The following RALGAPA1 variants were observed in gnomAD, a reference collection of about 807,000 sequenced individuals.
The protein encoded by RALGAPA1 is ral GTPase-activating protein subunit alpha-1.
Under a neutral mutation model 269.6 loss-of-function variants are expected in RALGAPA1, and 52 were observed. The ratio of observed to expected loss-of-function variants is 0.19; its 90% CI spans 0.15 to 0.24. RALGAPA1 has a LOEUF of 0.24. RALGAPA1 is among the 10% of genes least tolerant of loss of function. The pLI, the probability that RALGAPA1 is intolerant of heterozygous loss-of-function variation, is 1.00. For missense variants in RALGAPA1, 1,917 were observed against 3,013.9 expected (o/e 0.64, Z 8.52); for synonymous variants, 817 against 1,008.3 (o/e 0.81, Z 3.60).
intron 9 of RALGAPA1, among the ~76,000 whole-genome samples, chr14:35,749,237 A>G (rs887111541): frequency 9.2e-5 from 14 of 152,206 alleles, no homozygotes; most frequent in Non-Finnish European, 1.9e-4. Flanking sequence ...AATTATCTCT[A>G]TTTTACTGTG....
intron 37 of RALGAPA1, among the ~76,000 whole-genome samples, chr14:35,583,887 AAG>A (rs1201592394): frequency 2.6e-5 from 4 of 152,264 alleles, no homozygotes; most frequent in Admixed American, 2.6e-4. Context: ...AAAAAGAAAT[AAG>A]ACTTTCTCAG....
chr14:35,623,728 C>T (rs8022836), intron 35 of RALGAPA1, among the ~76,000 whole-genome samples: 52,403 of 151,942 alleles, frequency 0.34, 12,513 homozygotes, highest in African/African-American at 0.67. Context: ...CTCTATCCTG[C>T]GGCAAGAAAT....
chr14:35,549,653 A>G (rs751383867), intron 39 of RALGAPA1, among the ~76,000 whole-genome samples: 32 of 152,144 alleles, frequency 2.1e-4, no homozygotes, highest in Middle Eastern at 3.2e-3. Flanking sequence ...AAACATTGTA[A>G]TGTTGCTTAA....
chr14:35,654,963 A>G (rs1354225752), intron 29 of RALGAPA1, among the ~76,000 whole-genome samples: 2 of 152,184 alleles, frequency 1.3e-5, no homozygotes, highest in African/African-American at 4.8e-5. Context: ...GTCTTCTCTG[A>G]TAACTAAGTC....
intron 37 of RALGAPA1, 139 bp from the exon 38 acceptor site, chr14:35,572,857 C>G: frequency 2.0e-6 from 1 of 498,738 alleles, no homozygotes; most frequent in Non-Finnish European, 3.4e-6. Context: ...ATATGAAACA[C>G]AAACACTCAA....
intron 35 of RALGAPA1, among the ~76,000 whole-genome samples, chr14:35,619,610 T>C (rs896381572): frequency 1.3e-5 from 2 of 151,930 alleles, no homozygotes; most frequent in Non-Finnish European, 2.9e-5. Context: ...CTAGCAAGAC[T>C]AATAAAGAAG....
In RALGAPA1 at chr14:35,723,153, T is replaced by C. The variant is rs1219365000; in HGVS notation, c.1978A>G (p.Thr660Ala). 6.2e-7 allele frequency: 1 copy of C among 1,612,662 alleles called. No homozygotes were observed. Among genetic ancestry groups the C allele is most frequent in the Admixed American group, 1.7e-5 (1 of 60,012 alleles). Residue 660 changes from threonine to alanine, a missense_variant, in exon 15 of 42, where the codon ACT becomes GCT. Transcript: ENST00000680220. Reference sequence around the variant, plus strand: ...GTCTCCATAGTCAGTGACCACTCAGTGGCCAACTCTTCCCAATAGGTCAGC... The same window carrying C: ...GTCTCCATAGTCAGTGACCACTCAGCGGCCAACTCTTCCCAATAGGTCAGC... Reference protein sequence around the residue: ...SSLTYWEELATEWSLTMETLT... With the variant: ...SSLTYWEELAAEWSLTMETLT...
At chr14:35,696,601 A>G in intron 17 of RALGAPA1, among the ~76,000 whole-genome samples, 1 of 125,832 alleles carries the variant, frequency 7.9e-6, no homozygotes, top group South Asian at 2.6e-4. Flanking sequence ...AGATTTTGGT[A>G]CGTTAAAAAA....
chr14:35,606,635 A>C (rs1193444868), intron 35 of RALGAPA1, among the ~76,000 whole-genome samples: 1 of 152,162 alleles, frequency 6.6e-6, no homozygotes, highest in Non-Finnish European at 1.5e-5. Flanking sequence ...TTTAGCTTTG[A>C]AATTTGGCTT....
At chr14:35,634,518 G>C in intron 33 of RALGAPA1, 56 bp downstream of exon 33, 1 of 1,445,062 alleles carries the variant, frequency 6.9e-7, no homozygotes, top group Non-Finnish European at 9.3e-7. Flanking sequence ...ATGGCCTCAA[G>C]TTATACCTTG....
intron 12 of RALGAPA1, among the ~76,000 whole-genome samples, chr14:35,729,976 C>T (rs2070321341): frequency 6.6e-6 from 1 of 152,096 alleles, no homozygotes; most frequent in Admixed American, 6.5e-5. Flanking sequence ...CAAGAACAAA[C>T]ACCAGGAATC....
intron 35 of RALGAPA1, among the ~76,000 whole-genome samples, chr14:35,611,142 C>T (rs372557064): frequency 2.0e-5 from 3 of 152,230 alleles, no homozygotes; most frequent in East Asian, 1.9e-4. Context: ...GTCACTCATG[C>T]CTGTAATCCC....
intron 37 of RALGAPA1, among the ~76,000 whole-genome samples, chr14:35,580,284 CAA>C (rs2057871265): frequency 6.6e-6 from 1 of 152,146 alleles, no homozygotes; most frequent in Admixed American, 6.5e-5. Context: ...AGAGTATCAG[CAA>C]GTGGCTAGAA....
At chr14:35,718,931 C>G (rs959967907) in intron 16 of RALGAPA1, among the ~76,000 whole-genome samples, 1 of 151,758 alleles carries the variant, frequency 6.6e-6, no homozygotes, top group Non-Finnish European at 1.5e-5. Flanking sequence ...CCTCAACCTC[C>G]TGGGCTCAAG....
intron 39 of RALGAPA1, among the ~76,000 whole-genome samples, chr14:35,554,296 A>T (rs1826620456): frequency 6.6e-6 from 1 of 150,448 alleles, no homozygotes. Flanking sequence ...TCCCCTTTAG[A>T]GAACTCTTTC....
chr14:35,594,054 G>A (rs1479168921), intron 37 of RALGAPA1, among the ~76,000 whole-genome samples: 1 of 151,990 alleles, frequency 6.6e-6, no homozygotes, highest in Non-Finnish European at 1.5e-5. Flanking sequence ...CTTCAACATG[G>A]TCTTGGGAAA....
chr14:35,756,659 C>G (rs866952986), intron 7 of RALGAPA1, 134 bp downstream of exon 7: 29 of 536,606 alleles, frequency 5.4e-5, no homozygotes, highest in Middle Eastern at 1.1e-3. Context: ...AGCCATTGAC[C>G]CTTCCCCTCC....
chr14:35,687,443 T>C (rs960135531), intron 18 of RALGAPA1, among the ~76,000 whole-genome samples: 6 of 152,152 alleles, frequency 3.9e-5, no homozygotes, highest in Non-Finnish European at 7.4e-5. Flanking sequence ...AACACACTGG[T>C]CAGAAGCTCA....
chr14:35,541,338 C>T (rs183884071), intron 41 of RALGAPA1, among the ~76,000 whole-genome samples: 49 of 152,150 alleles, frequency 3.2e-4, no homozygotes, highest in South Asian at 6.2e-4. Context: ...AGCCACCGCA[C>T]CCGGCCTTCA....
Sources: gnomAD v4.1 joint callset for allele counts (sites outside exome capture counted in the v4.1 genomes callset) on GRCh38, gnomAD v4.1.1 for gene constraint, MANE v1.5 for transcripts, NCBI Gene and HGNC (gene_info 2026-07-23, HGNC 2026-07-21) for gene names.